The following FAF1 variants were observed in gnomAD, a reference collection of about 807,000 sequenced individuals.
The protein encoded by FAF1 is FAS-associated factor 1.
Under a neutral mutation model 92.5 loss-of-function variants are expected in FAF1, and 25 were observed. That is an observed-to-expected ratio of 0.27 (90% CI 0.20 to 0.38). The LOEUF is 0.38. FAF1 is among the 10% of genes least tolerant of loss of function. The pLI is 1.00. For synonymous variants in FAF1, 234 were observed against 273.2 expected (o/e 0.86, Z 1.42); for missense variants, 636 against 793.3 (o/e 0.80, Z 2.38).
chr1:50,917,702 A>AGG (rs1177622658), intron 1 of FAF1, among the ~76,000 whole-genome samples: 25 of 148,094 alleles, frequency 1.7e-4, no homozygotes, highest in African/African-American at 5.0e-4. Context: ...AGGAAAGGAA[A>AGG]AGAAAGAAAA....
chr1:50,473,750 C>T (rs1646603457), intron 18 of FAF1, among the ~76,000 whole-genome samples: 1 of 152,162 alleles, frequency 6.6e-6, no homozygotes, highest in Non-Finnish European at 1.5e-5. Flanking sequence ...CACCTGGGAT[C>T]CACTACAGTC....
At chr1:50,686,411 G>A (rs887487060) in intron 7 of FAF1, among the ~76,000 whole-genome samples, 7 of 151,964 alleles carry the variant, frequency 4.6e-5, no homozygotes, top group South Asian at 2.1e-4. Context: ...GTGTGGTGGC[G>A]AATGCCTGTA....
intron 7 of FAF1, among the ~76,000 whole-genome samples, chr1:50,681,091 G>C (rs1016007752): frequency 6.6e-6 from 1 of 152,048 alleles, no homozygotes; most frequent in African/African-American, 2.4e-5. Flanking sequence ...CTGTCACTCA[G>C]GCTGGAGTGC....
chr1:50,468,459 ATTTT>A (rs370937786), intron 18 of FAF1, among the ~76,000 whole-genome samples: 1 of 130,722 alleles, frequency 7.6e-6, no homozygotes, highest in Admixed American at 7.7e-5. Flanking sequence ...CACTTGGCTA[ATTTT>A]TTTTTTTTTT....
chr1:50,801,801 T>G lies in FAF1; in HGVS notation c.115-124A>C. On this transcript the variant is annotated intron_variant, in intron 2 of 18. Transcript: ENST00000396153. ...GTATTTAAACATAATACTAATTTTT[T>G]TAGTGATGCAAAATGTTGTCTATTA... 5.0e-6 allele frequency: 3 copies of G among 594,862 alleles called. No homozygotes were observed. The East Asian group carries it at 8.5e-5, about 17-fold the overall frequency. 36.8% of individuals were successfully genotyped at this position (594,862 alleles called of 1,614,324 possible). A position where few individuals can be genotyped will look rare whatever the true frequency, so the allele number is the denominator to read the frequency against.
At chr1:50,529,019 G>A (rs1404973939) in intron 15 of FAF1, among the ~76,000 whole-genome samples, 2 of 151,994 alleles carry the variant, frequency 1.3e-5, no homozygotes, top group Admixed American at 1.3e-4. Context: ...TTATATTATT[G>A]GTAAGACTTC....
At chr1:50,851,370 G>C (rs1242184039) in intron 2 of FAF1, among the ~76,000 whole-genome samples, 1 of 152,184 alleles carries the variant, frequency 6.6e-6, no homozygotes, top group African/African-American at 2.4e-5. Flanking sequence ...ACTGCACCAA[G>C]TCTAAATTTT....
intron 18 of FAF1, among the ~76,000 whole-genome samples, chr1:50,450,554 G>C (rs1367407952): frequency 1.3e-5 from 2 of 152,160 alleles, no homozygotes; most frequent in Non-Finnish European, 2.9e-5. Flanking sequence ...CTATGTCATG[G>C]CTTATGTCCC....
intron 2 of FAF1, among the ~76,000 whole-genome samples, chr1:50,817,811 T>A (rs1393453661): frequency 6.6e-6 from 1 of 152,194 alleles, no homozygotes; most frequent in East Asian, 1.9e-4. Context: ...TACAATTTAC[T>A]CTTTAAATAG....
At chr1:50,554,954 T>C (rs901997344) in intron 13 of FAF1, among the ~76,000 whole-genome samples, 1 of 152,146 alleles carries the variant, frequency 6.6e-6, no homozygotes, top group Non-Finnish European at 1.5e-5. Flanking sequence ...GACATCTGTC[T>C]GTCTGCACAA....
chr1:50,657,916 T>C (rs923993811), intron 7 of FAF1, among the ~76,000 whole-genome samples: 56 of 152,196 alleles, frequency 3.7e-4, no homozygotes, highest in African/African-American at 1.3e-3. Context: ...TAGAGGTTCT[T>C]AGCAAATGGC....
intron 15 of FAF1, among the ~76,000 whole-genome samples, chr1:50,502,474 GGAGACTGGGGGCACAT>G (rs1229198083): frequency 6.6e-6 from 1 of 152,184 alleles, no homozygotes; most frequent in East Asian, 1.9e-4. Flanking sequence ...TCTTTTCACT[GGAGACTGGGGGCACAT>G]GAGCATTCCG....
intron 4 of FAF1, among the ~76,000 whole-genome samples, chr1:50,755,178 C>T (rs112833436): frequency 0.02 from 3,044 of 152,266 alleles, 100 homozygotes; most frequent in African/African-American, 0.07. Context: ...CAAGTCCCTT[C>T]GACCTACGAG....
intron 8 of FAF1, among the ~76,000 whole-genome samples, chr1:50,617,095 C>T (rs779223609): frequency 1.3e-4 from 20 of 152,208 alleles, no homozygotes; most frequent in Non-Finnish European, 2.4e-4. Flanking sequence ...CAAAGAGATA[C>T]AGTTTGACTT....
At chr1:50,614,081 G>A (rs547581936) in intron 8 of FAF1, among the ~76,000 whole-genome samples, 5 of 151,870 alleles carry the variant, frequency 3.3e-5, no homozygotes, top group Admixed American at 6.6e-5. Flanking sequence ...TGGCAATAGA[G>A]TGAGACTCTG....
intron 15 of FAF1, 100 bp from the exon 16 acceptor site, chr1:50,491,901 CTTATAA>C: frequency 1.2e-6 from 1 of 803,088 alleles, no homozygotes; most frequent in East Asian, 2.7e-5. Flanking sequence ...CCTATATGAA[CTTATAA>C]TTAAATAAGA....
chr1:50,749,166 T>C (rs746288743), intron 4 of FAF1, among the ~76,000 whole-genome samples: 5 of 152,296 alleles, frequency 3.3e-5, no homozygotes, highest in Admixed American at 6.5e-5. Flanking sequence ...CATATAAACA[T>C]TGCCTTTTTG....
intron 7 of FAF1, among the ~76,000 whole-genome samples, chr1:50,688,165 AAAT>A (rs1416665946): frequency 6.6e-6 from 1 of 151,672 alleles, no homozygotes; most frequent in Non-Finnish European, 1.5e-5. Context: ...ATAAAAATAA[AAAT>A]AAAATAAAAT....
intron 2 of FAF1, among the ~76,000 whole-genome samples, chr1:50,829,614 AC>A (rs764990076): frequency 5.3e-4 from 80 of 152,198 alleles, no homozygotes; most frequent in Non-Finnish European, 7.5e-4. Context: ...GTCAAAGGTA[AC>A]ACCCCTTCCC....
Sources: gnomAD v4.1 joint callset for allele counts (sites outside exome capture counted in the v4.1 genomes callset) on GRCh38, gnomAD v4.1.1 for gene constraint, MANE v1.5 for transcripts, NCBI Gene and HGNC (gene_info 2026-07-23, HGNC 2026-07-21) for gene names.